CENPP: variants seen among roughly 807,000 people sequenced by gnomAD.
CENPP encodes centromere protein P.
A neutral mutation model predicts 35.6 loss-of-function variants in CENPP; 24 were observed. That is an observed-to-expected ratio of 0.67 (90% CI 0.49 to 0.95). The LOEUF (loss-of-function observed/expected upper bound fraction) is 0.95, where lower values mean the gene tolerates loss of function less well. Ranked by LOEUF, CENPP falls within the 40% of genes least tolerant of loss-of-function variation. The probability of loss-of-function intolerance (pLI) is 0.00; values close to 1 mark genes in which losing one functional copy is unlikely to be tolerated. For missense variants in CENPP, 332 were observed against 345.3 expected (o/e 0.96, Z 0.31); for synonymous variants, 120 against 125.5 (o/e 0.96, Z 0.29).
intron 5 of CENPP, among the ~76,000 whole-genome samples, chr9:92,541,844 A>G (rs1849326096): frequency 3.9e-5 from 6 of 151,956 alleles, no homozygotes; most frequent in Admixed American, 3.9e-4. Flanking sequence ...CCCAGGCTAG[A>G]GTGCAGTGGT....
At chr9:92,428,371 A>G (rs1339088332) in intron 5 of CENPP, among the ~76,000 whole-genome samples, 1 of 152,132 alleles carries the variant, frequency 6.6e-6, no homozygotes, top group East Asian at 1.9e-4. Context: ...TTCAGGTTCC[A>G]GCATCTTTAT....
intron 5 of CENPP, chr9:92,610,902 G>T (rs937253941): frequency 9.1e-6 from 2 of 219,878 alleles, no homozygotes; most frequent in Non-Finnish European, 1.8e-5. Context: ...CTAAAACCGT[G>T]AGAAAACAGC....
chr9:92,382,229 TTTTA>T (rs1842266431), intron 5 of CENPP, among the ~76,000 whole-genome samples: 1 of 152,016 alleles, frequency 6.6e-6, no homozygotes, highest in African/African-American at 2.4e-5. Context: ...TAAAATTTAT[TTTTA>T]TTTAATTTTT....
chr9:92,427,858 G>A (rs1395736586), intron 5 of CENPP, among the ~76,000 whole-genome samples: 1 of 152,122 alleles, frequency 6.6e-6, no homozygotes, highest in Admixed American at 6.6e-5. Context: ...ATGGTGATGG[G>A]GCAAGCCAAG....
intron 5 of CENPP, among the ~76,000 whole-genome samples, chr9:92,435,143 T>A (rs185226335): frequency 6.6e-6 from 1 of 152,302 alleles, no homozygotes; most frequent in African/African-American, 2.4e-5. Flanking sequence ...ATGAAACTCT[T>A]ATCAGGCAAT....
intron 5 of CENPP, among the ~76,000 whole-genome samples, chr9:92,428,088 C>A (rs1273406175): frequency 2.0e-5 from 3 of 152,126 alleles, no homozygotes; most frequent in Non-Finnish European, 4.4e-5. Flanking sequence ...CTTGGGCAGC[C>A]CTATAGAAAC....
At chr9:92,522,276 C>T (rs1054531727) in intron 5 of CENPP, among the ~76,000 whole-genome samples, 1 of 151,878 alleles carries the variant, frequency 6.6e-6, no homozygotes, top group African/African-American at 2.4e-5. Context: ...TTAGTAGAGA[C>T]GGGGTTTCAA....
Position 92,571,814 on chromosome 9 carries a change from G to T in CENPP, c.565-39500G>T, listed in dbSNP as rs562977934. Among the ~76,000 whole-genome samples the T allele has an allele frequency of 1.8e-3, 268 of 151,904 alleles. 2 individuals carry two copies. Among genetic ancestry groups the T allele is most frequent in the Middle Eastern group, 3.4e-3 (1 of 292 alleles). ...GATAGTTAGCTCTTCTTGTTGAATT[G>T]ATCCCTTTACCATTATGTAATGGCC... On this transcript the variant is annotated intron_variant, in intron 5 of 7. Coordinates refer to ENST00000375587, the MANE Select transcript of CENPP (RefSeq NM_001012267.3).
chr9:92,551,925 GTATATATA>G (rs143120429), intron 5 of CENPP, among the ~76,000 whole-genome samples: 7 of 84,566 alleles, frequency 8.3e-5, no homozygotes, highest in Admixed American at 2.1e-4. Context: ...TGGTGTGTGT[GTATATATA>G]TATATATATA....
chr9:92,443,721 G>A (rs190910851), intron 5 of CENPP, among the ~76,000 whole-genome samples: 35 of 151,844 alleles, frequency 2.3e-4, no homozygotes, highest in Admixed American at 1.5e-3. Context: ...GTGCAGTGGC[G>A]CAATCTCGGC....
At chr9:92,447,549 C>T (rs572091919) in intron 5 of CENPP, among the ~76,000 whole-genome samples, 58 of 152,310 alleles carry the variant, frequency 3.8e-4, no homozygotes, top group Non-Finnish European at 6.8e-4. Flanking sequence ...GCCCACCTTT[C>T]ACCTCCTGCT....
At chr9:92,466,288 G>A in intron 5 of CENPP, 1 of 1,008,256 alleles carries the variant, frequency 9.9e-7, no homozygotes, top group Non-Finnish European at 1.5e-6. Context: ...TCTTAATAGT[G>A]ACGATAAAGT....
In CENPP at chr9:92,332,176, T is replaced by A. The variant is rs759836209; in HGVS notation, c.114T>A (p.Ser38=). 2 of 1,577,846 alleles carry A rather than the reference T, an allele frequency of 1.3e-6. No individual in the cohort carries two copies. The highest frequency in any genetic ancestry group is 1.7e-6 in the Non-Finnish European group (2 of 1,165,908). ...PWEEKSRVQK[S]FQAIHQFNLE... is the part of the protein sequence containing the mutation. ...TTTGATATTTGCCTTTTAGAAAATCTTTTCAAGCCATACACCAATTCAATT... is the reference window on the plus strand; with the variant it reads ...TTTGATATTTGCCTTTTAGAAAATCATTTCAAGCCATACACCAATTCAATT... The change falls in exon 2 of 8, where the codon TCT becomes TCA. Residue 38 remains serine, a synonymous_variant. Transcript: ENST00000375587.
chr9:92,367,810 G>T (rs1419698854), intron 4 of CENPP, among the ~76,000 whole-genome samples: 1 of 152,066 alleles, frequency 6.6e-6, no homozygotes, highest in Non-Finnish European at 1.5e-5. Flanking sequence ...TAGAGATGGG[G>T]TTTCACCACA....
At chr9:92,565,916 CA>C (rs1258744052) in intron 5 of CENPP, among the ~76,000 whole-genome samples, 3 of 152,028 alleles carry the variant, frequency 2.0e-5, no homozygotes, top group African/African-American at 7.2e-5. Context: ...ATAATAAAAA[CA>C]GCAAACCATA....
In CENPP at chr9:92,615,863, T is replaced by C. The variant is rs771589832; in HGVS notation, c.*2714T>C. Reference sequence around the variant, plus strand: ...CTTGTGGAGAACTAATGTGCAATCTTCGCTTTCCTTGAACCGAGTCGACAT... The same window carrying C: ...CTTGTGGAGAACTAATGTGCAATCTCCGCTTTCCTTGAACCGAGTCGACAT... On this transcript the variant is annotated 3_prime_UTR_variant, in exon 8 of 8. Coordinates refer to ENST00000375587, the MANE Select transcript of CENPP (RefSeq NM_001012267.3). 3.1e-6 allele frequency: 5 copies of C among 1,614,118 alleles called. No individual in the cohort carries two copies. Among genetic ancestry groups the C allele is most frequent in the Non-Finnish European group, 4.2e-6 (5 of 1,179,960 alleles).
At chr9:92,348,296 C>T (rs1450253009) in intron 4 of CENPP, among the ~76,000 whole-genome samples, 1 of 151,604 alleles carries the variant, frequency 6.6e-6, no homozygotes, top group Non-Finnish European at 1.5e-5. Context: ...TTCATTTTTT[C>T]ATTTCCAACA....
At chr9:92,586,082 G>A (rs1364537604) in intron 5 of CENPP, among the ~76,000 whole-genome samples, 2 of 152,134 alleles carry the variant, frequency 1.3e-5, no homozygotes, top group African/African-American at 4.8e-5. Flanking sequence ...TTTCGCTCTT[G>A]TCGCCCAGGC....
chr9:92,359,953 C>T (rs973658144), intron 4 of CENPP, among the ~76,000 whole-genome samples: 1 of 152,054 alleles, frequency 6.6e-6, no homozygotes, highest in African/African-American at 2.4e-5. Context: ...ACCATCCAAG[C>T]CCTTCTCCAA....
Sources: allele counts gnomAD v4.1 joint callset (sites outside exome capture counted in the v4.1 genomes callset), GRCh38; gene constraint gnomAD v4.1.1; transcripts MANE v1.5; gene names NCBI Gene and HGNC (gene_info 2026-07-23, HGNC 2026-07-21).